BSPRY: variants seen among roughly 807,000 people sequenced by gnomAD.
BSPRY encodes the protein B-box and SPRY domain containing.
BSPRY carries 33 observed loss-of-function variants against 38.0 expected under a neutral mutation model. That is an observed-to-expected ratio of 0.87 (90% CI 0.66 to 1.16). The LOEUF is 1.16. BSPRY is among the 50% of genes most tolerant of loss of function. The pLI, the probability that BSPRY is intolerant of heterozygous loss-of-function variation, is 0.00. For missense variants in BSPRY, 523 were observed against 533.2 expected (o/e 0.98, Z 0.19); for synonymous variants, 224 against 228.5 (o/e 0.98, Z 0.18).
Position 113,354,264 on chromosome 9 carries a change from A to G in BSPRY, c.226A>G (p.Arg76Gly). The G allele has an allele frequency of 1.9e-6, 3 of 1,614,134 alleles. No individual in the cohort carries two copies. The highest frequency in any genetic ancestry group is 1.7e-6 in the Non-Finnish European group (2 of 1,179,996). The change falls in exon 2 of 6, where the codon AGG becomes GGG. Residue 76 changes from arginine (R) to glycine (G), a missense_variant. Physicochemically the swap from Arg to Gly is moderately radical, Grantham distance 125. Coordinates refer to ENST00000374183, the MANE Select transcript of BSPRY (RefSeq NM_017688.3). The part of the protein sequence containing the change: ...LRNKIVDQCE[R>G]LQLQSAAITK... ...GAACAAGATTGTGGACCAGTGTGAG[A>G]GGCTGCAGTTACAGAGTGCTGCCAT...
chr9:113,362,976 C>A (rs779204708), intron 4 of BSPRY, among the ~76,000 whole-genome samples: 6 of 152,210 alleles, frequency 3.9e-5, no homozygotes, highest in Non-Finnish European at 7.3e-5. Context: ...AATTCACAAA[C>A]CTTCTGTGTG....
At position 113,369,847 on chromosome 9, in the gene BSPRY, G is replaced by A. The variant is rs776900968; in HGVS notation, c.914G>A (p.Gly305Asp). The A allele has an allele frequency of 1.9e-6, 3 of 1,614,230 alleles. No individual in the cohort carries two copies. The highest frequency in any genetic ancestry group is 2.5e-6 in the Non-Finnish European group (3 of 1,180,022). Residue 305 changes from glycine (G) to aspartate (D), a missense_variant, in exon 6 of 6, where the codon GGC becomes GAC. Physicochemically the swap from Gly to Asp is moderately conservative, Grantham distance 94. Coordinates refer to ENST00000374183, the MANE Select transcript of BSPRY (RefSeq NM_017688.3). ...SCAYKVGVAS[G>D]HLPRKGSGSD... Reference sequence around the variant, plus strand: ...GCCTATAAGGTGGGCGTGGCTTCAGGCCACCTGCCCCGCAAGGGTTCTGGC... The same window carrying A: ...GCCTATAAGGTGGGCGTGGCTTCAGACCACCTGCCCCGCAAGGGTTCTGGC...
intron 2 of BSPRY, among the ~76,000 whole-genome samples, chr9:113,356,545 G>A (rs1292647014): frequency 1.3e-5 from 2 of 152,030 alleles, no homozygotes; most frequent in Non-Finnish European, 2.9e-5. Flanking sequence ...ATGTTTAGAA[G>A]TGATTATAGG....
intron 4 of BSPRY, among the ~76,000 whole-genome samples, chr9:113,364,124 T>A (rs1834205093): frequency 6.6e-6 from 1 of 152,000 alleles, no homozygotes; most frequent in Non-Finnish European, 1.5e-5. Flanking sequence ...AGGCGGAGGT[T>A]ATAGTGAGCT....
chr9:113,354,462 C>T, intron 2 of BSPRY, 124 bp downstream of exon 2: 1 of 722,168 alleles, frequency 1.4e-6, no homozygotes, highest in East Asian at 2.7e-5. Context: ...AGCAAAGCTT[C>T]TCATCCCTCA....
Position 113,370,144 on chromosome 9 carries a change from C to G in BSPRY, c.*2C>G, listed in dbSNP as rs1454280232. ...CAGACCATTTCTATCGTCCGCTGAC[C>G]TCTGGCCACAGGAAGCCAGGTCCAC... On this transcript the variant is annotated 3_prime_UTR_variant, in exon 6 of 6. Coordinates refer to ENST00000374183, the MANE Select transcript of BSPRY (RefSeq NM_017688.3). This position sits in a 1 kb window ranked among gnomAD's most constrained non-coding sequence, Gnocchi z 4.8. The G allele has an allele frequency of 6.5e-7, 1 of 1,544,874 alleles. No individual in the cohort carries two copies. The highest frequency in any genetic ancestry group is 8.7e-7 in the Non-Finnish European group (1 of 1,146,672).
intron 2 of BSPRY, among the ~76,000 whole-genome samples, chr9:113,358,239 C>T (rs1007086340): frequency 6.6e-6 from 1 of 150,814 alleles, no homozygotes; most frequent in Admixed American, 6.6e-5. Flanking sequence ...CAGAGCGAGA[C>T]CCTGTCTCAA....
intron 2 of BSPRY, among the ~76,000 whole-genome samples, chr9:113,356,584 T>G (rs1588062714): frequency 1.3e-5 from 2 of 152,164 alleles, no homozygotes; most frequent in African/African-American, 4.8e-5. Flanking sequence ...GGAGACCAGT[T>G]AGGAAGCCAT....
At chr9:113,351,564 G>T (rs929872824) in intron 1 of BSPRY, among the ~76,000 whole-genome samples, 1 of 152,078 alleles carries the variant, frequency 6.6e-6, no homozygotes, top group Non-Finnish European at 1.5e-5. Context: ...CTTCTGGGTG[G>T]AAAGATTTAC....
At chr9:113,357,913 TA>T (rs1321896747) in intron 2 of BSPRY, among the ~76,000 whole-genome samples, 1 of 24,078 alleles carries the variant, frequency 4.2e-5, no homozygotes, top group Non-Finnish European at 9.3e-5. Context: ...TATATATATA[TA>T]TATATATATA....
At chr9:113,362,502 C>A in intron 4 of BSPRY, 108 bp downstream of exon 4, 1 of 1,220,170 alleles carries the variant, frequency 8.2e-7, no homozygotes, top group Non-Finnish European at 1.2e-6. Flanking sequence ...ACAGGGTGTG[C>A]AGCTGAGTGG....
intron 4 of BSPRY, among the ~76,000 whole-genome samples, chr9:113,365,734 A>AGAGAGG (rs1491377530): frequency 3.3e-5 from 2 of 60,550 alleles, no homozygotes; most frequent in Admixed American, 1.8e-4. Flanking sequence ...AGAAAGAGAA[A>AGAGAGG]GAGAGAGAGA....
intron 4 of BSPRY, among the ~76,000 whole-genome samples, chr9:113,364,406 T>C (rs1266894619): frequency 6.6e-6 from 1 of 152,192 alleles, no homozygotes; most frequent in African/African-American, 2.4e-5. Context: ...TACAATCTTT[T>C]CACACTTCTG....
intron 1 of BSPRY, among the ~76,000 whole-genome samples, chr9:113,352,516 C>T (rs549884079): frequency 1.1e-4 from 16 of 141,348 alleles, no homozygotes; most frequent in African/African-American, 3.5e-4. Context: ...CTGGTGGAAA[C>T]GGAACTGCAG....
intron 4 of BSPRY, among the ~76,000 whole-genome samples, chr9:113,364,294 C>T (rs749044665): frequency 2.6e-5 from 4 of 152,210 alleles, no homozygotes; most frequent in Non-Finnish European, 5.9e-5. Flanking sequence ...TTTACATTCA[C>T]GTCACTTTTT....
At chr9:113,365,755 G>GAGAA (rs1834238322) in intron 4 of BSPRY, among the ~76,000 whole-genome samples, 1 of 130,436 alleles carries the variant, frequency 7.7e-6, no homozygotes, top group South Asian at 2.3e-4. Flanking sequence ...GAGAGAGTGT[G>GAGAA]TGTGTGTGTG....
At chr9:113,349,932 G>A (rs1285002589) in intron 1 of BSPRY, 152 bp downstream of exon 1, 1 of 1,073,016 alleles carries the variant, frequency 9.3e-7, no homozygotes, top group Non-Finnish European at 1.2e-6. Flanking sequence ...GTAGGACTAG[G>A]CGGTTAAGGG....
rs1834315214 is a variant in BSPRY, at chr9:113,369,902, C to T, written c.969C>T (p.Phe323=). ...GSDCRLGHNA[F]SWVFSRYDQE... is the part of the protein sequence containing the mutation. The stretch of plus-strand genomic sequence containing the variant: ...ACTGCCGTCTGGGCCACAATGCCTT[C>T]TCCTGGGTCTTCTCTCGCTATGATC... Residue 323 remains phenylalanine (F), a synonymous_variant, in exon 6 of 6, where the codon TTC becomes TTT. Transcript: ENST00000374183. The T allele has an allele frequency of 6.2e-7, 1 of 1,614,256 alleles. No homozygotes were observed. The highest frequency in any genetic ancestry group is 1.1e-5 in the South Asian group (1 of 91,090).
chr9:113,352,717 G>T (rs887969496), intron 1 of BSPRY, among the ~76,000 whole-genome samples: 2 of 152,196 alleles, frequency 1.3e-5, no homozygotes, highest in Non-Finnish European at 2.9e-5. Context: ...TTGAGTAGGG[G>T]CATGACCTGG....
Sources: gnomAD v4.1 joint callset for allele counts (sites outside exome capture counted in the v4.1 genomes callset) on GRCh38, gnomAD v4.1.1 for gene constraint, Gnocchi (gnomAD v3.1) non-coding constraint, MANE v1.5 for transcripts, NCBI Gene and HGNC (gene_info 2026-07-23, HGNC 2026-07-21) for gene names.